ZHX3: variants seen among roughly 807,000 people sequenced by gnomAD.
The protein encoded by ZHX3 is zinc fingers and homeoboxes protein 3.
ZHX3 carries 20 observed loss-of-function variants against 64.5 expected under a neutral mutation model. The ratio of observed to expected loss-of-function variants is 0.31; its 90% CI spans 0.22 to 0.45. The LOEUF (loss-of-function observed/expected upper bound fraction) is 0.45. Ranked by LOEUF, ZHX3 falls within the 20% of genes least tolerant of loss-of-function variation. The pLI is 1.00. For missense variants in ZHX3, 1,041 were observed against 1,195.8 expected (o/e 0.87, Z 1.91); for synonymous variants, 423 against 461.6 (o/e 0.92, Z 1.07).
At chr20:41,254,253 C>G (rs1051014416) in intron 2 of ZHX3, among the ~76,000 whole-genome samples, 7 of 152,190 alleles carry the variant, frequency 4.6e-5, no homozygotes, top group African/African-American at 1.7e-4. Context: ...TTTGCTTATT[C>G]ACCCATCAAC....
At chr20:41,192,406 G>A (rs2037102128) in intron 3 of ZHX3, among the ~76,000 whole-genome samples, 1 of 152,200 alleles carries the variant, frequency 6.6e-6, no homozygotes, top group African/African-American at 2.4e-5. Context: ...CAATCCCTAG[G>A]CCACCTTCAG....
chr20:41,282,848 C>T lies in ZHX3; in HGVS notation c.-244-13765G>A, dbSNP rs183601187. On this transcript the variant is annotated intron_variant, in intron 1 of 3. Transcript: ENST00000683867. ...TTTTGATCAGCTAGAGACTGGTACA[C>T]GTAATAACACTAAAAATTCACTGCA... Among the ~76,000 whole-genome samples the T allele has an allele frequency of 2.0e-4, 30 of 152,324 alleles. 1 individual carries two copies. Among genetic ancestry groups the T allele is most frequent in the Admixed American group, 1.0e-3 (16 of 15,304 alleles).
intron 2 of ZHX3, among the ~76,000 whole-genome samples, chr20:41,236,817 G>C (rs1025722241): frequency 2.0e-5 from 3 of 152,268 alleles, no homozygotes; most frequent in African/African-American, 4.8e-5. Flanking sequence ...ACTACCATCA[G>C]AGTGAACAGG....
chr20:41,307,937 T>C (rs946276717), intron 1 of ZHX3, among the ~76,000 whole-genome samples: 1 of 152,218 alleles, frequency 6.6e-6, no homozygotes, highest in Non-Finnish European at 1.5e-5. Flanking sequence ...CTTGAGGACA[T>C]GGACCCTCTT....
At chr20:41,264,885 T>G (rs1600558408) in intron 2 of ZHX3, among the ~76,000 whole-genome samples, 1 of 152,196 alleles carries the variant, frequency 6.6e-6, no homozygotes, top group African/African-American at 2.4e-5. Flanking sequence ...CTAACACCTA[T>G]TCTTAATTTT....
At chr20:41,237,450 C>A (rs1022101488) in intron 2 of ZHX3, among the ~76,000 whole-genome samples, 6 of 152,202 alleles carry the variant, frequency 3.9e-5, no homozygotes, top group Non-Finnish European at 7.3e-5. Flanking sequence ...ATGATGAGTT[C>A]ATGTCCTTTG....
chr20:41,196,960 A>C (rs2037765298), intron 3 of ZHX3: 1 of 169,232 alleles, frequency 5.9e-6, no homozygotes, highest in African/African-American at 2.4e-5. Context: ...TGTGAATTAG[A>C]TAGAAGACAA....
In ZHX3 at chr20:41,185,465, G is replaced by A; in HGVS notation, c.2861-264C>T. On this transcript the variant is annotated intron_variant, in intron 3 of 3. Transcript: ENST00000683867. The surrounding 1 kb of genome is among the most constrained non-coding windows in gnomAD (Gnocchi z 5.0). ...AACCCTAGGCCTAGCAGCAGGAGCA[G>A]TGGTTTGGCCTCTCCAGGCCCACTA... 3 of 577,064 alleles carry A rather than the reference G, an allele frequency of 5.2e-6. No individual in the cohort carries two copies. Among genetic ancestry groups the A allele is most frequent in the Non-Finnish European group, 6.1e-6 (2 of 327,628 alleles). 35.7% of individuals were successfully genotyped at this position (577,064 alleles called of 1,614,324 possible). A position where few individuals can be genotyped will look rare whatever the true frequency, so the allele number is the denominator to read the frequency against.
intron 1 of ZHX3, among the ~76,000 whole-genome samples, chr20:41,286,038 C>T (rs1378165765): frequency 6.6e-6 from 1 of 152,162 alleles, no homozygotes; most frequent in African/African-American, 2.4e-5. Context: ...TGAGAATGCA[C>T]TTTCTTGAAT....
At chr20:41,299,141 C>G (rs2044685216) in intron 1 of ZHX3, among the ~76,000 whole-genome samples, 1 of 152,206 alleles carries the variant, frequency 6.6e-6, no homozygotes. Flanking sequence ...CTGCTAACAA[C>G]AAAACCTTCA....
rs2040119262 is a variant in ZHX3, at chr20:41,224,122, A to C, written c.-150-19056T>G. Among the ~76,000 whole-genome samples, 1 of 152,232 alleles carries C rather than the reference A, an allele frequency of 6.6e-6. No homozygotes were observed. Among genetic ancestry groups the C allele is most frequent in the Non-Finnish European group, 1.5e-5 (1 of 68,042 alleles). The stretch of plus-strand genomic sequence containing the variant: ...ACCCAAAATGGAGGAGTGGGACAAT[A>C]TATGCAGTCCAACTTCTTTCCTAAT... On this transcript the variant is annotated intron_variant, in intron 2 of 3. Coordinates refer to ENST00000683867, the MANE Select transcript of ZHX3 (RefSeq NM_001384317.1). This position sits in a 1 kb window ranked among gnomAD's most constrained non-coding sequence, Gnocchi z 5.2.
At chr20:41,308,314 C>A (rs1451080862) in intron 1 of ZHX3, among the ~76,000 whole-genome samples, 1 of 152,190 alleles carries the variant, frequency 6.6e-6, no homozygotes, top group Non-Finnish European at 1.5e-5. Context: ...ATTTGACTAG[C>A]TCCCTGTAGT....
Position 41,278,289 on chromosome 20 carries a change from G to T in ZHX3, c.-244-9206C>A, listed in dbSNP as rs144206834. 2.9e-3 allele frequency among the ~76,000 whole-genome samples: 403 copies of T among 138,712 alleles called. 63 individuals carry two copies. Among genetic ancestry groups the T allele is most frequent in the African/African-American group, 0.011 (397 of 36,778 alleles). The allele number at this position is 138,712 out of a possible 152,430, so 91.0% of individuals were successfully genotyped here. ...ACTAGGGAGGCAGAGGTTGCAGTGA[G>T]CAGAGATTGTGCCACTGTAACTCCA... On this transcript the variant is annotated intron_variant, in intron 1 of 3. Coordinates refer to ENST00000683867, the MANE Select transcript of ZHX3 (RefSeq NM_001384317.1).
At chr20:41,223,683 G>A (rs2146344980) in intron 2 of ZHX3, among the ~76,000 whole-genome samples, 1 of 152,316 alleles carries the variant, frequency 6.6e-6, no homozygotes, top group Non-Finnish European at 1.5e-5. Flanking sequence ...TTTCCCTGTA[G>A]CCCCTTTTAA....
chr20:41,237,433 A>G (rs1458019781), intron 2 of ZHX3, among the ~76,000 whole-genome samples: 1 of 152,250 alleles, frequency 6.6e-6, no homozygotes, highest in Non-Finnish European at 1.5e-5. Flanking sequence ...CTATGCAGCC[A>G]TAAAAAATGA....
At chr20:41,241,679 T>C (rs1182110503) in intron 2 of ZHX3, among the ~76,000 whole-genome samples, 1 of 152,228 alleles carries the variant, frequency 6.6e-6, no homozygotes, top group East Asian at 1.9e-4. Flanking sequence ...TTAGGTAATG[T>C]GATTCTTCCA....
rs188756143 is a variant in ZHX3, at chr20:41,303,326, A to C, written c.-245+14183T>G. 9.4e-3 allele frequency among the ~76,000 whole-genome samples: 1,434 copies of C among 152,362 alleles called. 11 individuals are homozygous for C. The highest frequency in any genetic ancestry group is 0.015 in the Non-Finnish European group (1,045 of 68,036). On this transcript the variant is annotated intron_variant, in intron 1 of 3. Coordinates refer to ENST00000683867, the MANE Select transcript of ZHX3 (RefSeq NM_001384317.1). Reference sequence around the variant, plus strand: ...ACAAAAAGGATAGGTAGTCTAGTAGAACTGATAAAAGGCAGATTGTGGAGG... The same window carrying C: ...ACAAAAAGGATAGGTAGTCTAGTAGCACTGATAAAAGGCAGATTGTGGAGG...
At chr20:41,218,933 T>G (rs1029045383) in intron 2 of ZHX3, among the ~76,000 whole-genome samples, 15 of 145,358 alleles carry the variant, frequency 1.0e-4, no homozygotes, top group Non-Finnish European at 1.7e-4. Context: ...GTTTTTTTTT[T>G]TTTTTTTTTT....
At chr20:41,260,487 C>T (rs2042507082) in intron 2 of ZHX3, among the ~76,000 whole-genome samples, 1 of 152,116 alleles carries the variant, frequency 6.6e-6, no homozygotes, top group African/African-American at 2.4e-5. Context: ...ACTTCTGGAC[C>T]AAGGTTAAAA....
Sources: allele counts gnomAD v4.1 joint callset (sites outside exome capture counted in the v4.1 genomes callset), GRCh38; gene constraint gnomAD v4.1.1; non-coding constraint Gnocchi (gnomAD v3.1); transcripts MANE v1.5; gene names NCBI Gene and HGNC (gene_info 2026-07-23, HGNC 2026-07-21).